MAF: variants seen among roughly 807,000 people sequenced by gnomAD.
MAF encodes the protein MAF bZIP transcription factor, also known as transcription factor Maf.
In MAF, 10 loss-of-function variants were observed where a neutral mutation model predicts 22.0. The ratio of observed to expected loss-of-function variants is 0.45; its 90% CI spans 0.28 to 0.77. The LOEUF is 0.77. Ranked by LOEUF, MAF falls within the 30% of genes least tolerant of loss-of-function variation. MAF has a pLI of 0.12. For missense variants in MAF, 544 were observed against 548.4 expected, an observed-to-expected ratio of 0.99 and a Z score of 0.08; for synonymous variants, 337 against 255.8, an observed-to-expected ratio of 1.32 and a Z score of -3.03.
At chr16:79,436,161 C>T in the MAF span, among the ~76,000 whole-genome samples, 2 of 152,318 alleles carry the variant, frequency 1.3e-5, no homozygotes, top group South Asian at 2.1e-4. Context: ...CGGCTCACTG[C>T]AACCTCTGCC....
chr16:79,519,191 C>G, the MAF span, among the ~76,000 whole-genome samples: 13 of 152,292 alleles, frequency 8.5e-5, no homozygotes, highest in Middle Eastern at 0.01. Flanking sequence ...GGTTCACTGA[C>G]TTGTCCAAGC....
At chr16:79,210,658 T>G in the MAF span, among the ~76,000 whole-genome samples, 8 of 152,204 alleles carry the variant, frequency 5.3e-5, no homozygotes, top group Non-Finnish European at 1.2e-4. Context: ...TGTATTGGTT[T>G]TAAATTAGAG....
At chr16:79,343,583 T>C in the MAF span, among the ~76,000 whole-genome samples, 1 of 152,234 alleles carries the variant, frequency 6.6e-6, no homozygotes, top group Non-Finnish European at 1.5e-5. Flanking sequence ...GCCAGTGATA[T>C]CGATACTTTC....
the MAF span, among the ~76,000 whole-genome samples, chr16:79,566,707 T>C: frequency 2.0e-5 from 3 of 152,318 alleles, no homozygotes; most frequent in South Asian, 4.1e-4. Flanking sequence ...TGGAGTCTAC[T>C]TGGCCTGAAT....
chr16:79,477,963 C>T, the MAF span, among the ~76,000 whole-genome samples: 4 of 133,242 alleles, frequency 3.0e-5, no homozygotes, highest in Admixed American at 7.8e-5. Context: ...ACCTCGTGAT[C>T]CTCCTGCCTC....
At chr16:79,344,295 G>A in the MAF span, among the ~76,000 whole-genome samples, 3,556 of 152,322 alleles carry the variant, frequency 0.023, 288 homozygotes, top group East Asian at 0.15. Flanking sequence ...CAGCTAGTAA[G>A]TGACTAAGGG....
the MAF span, among the ~76,000 whole-genome samples, chr16:79,554,981 G>A: frequency 6.6e-6 from 1 of 152,194 alleles, no homozygotes; most frequent in Non-Finnish European, 1.5e-5. Flanking sequence ...CCAGAAATGT[G>A]AGTGAGTTCA....
chr16:79,373,977 G>C, the MAF span, among the ~76,000 whole-genome samples: 3 of 152,274 alleles, frequency 2.0e-5, no homozygotes, highest in South Asian at 6.2e-4. Context: ...CACAGCAAGA[G>C]AATTAGGTTA....
At chr16:79,492,383 T>G in the MAF span, among the ~76,000 whole-genome samples, 1 of 151,972 alleles carries the variant, frequency 6.6e-6, no homozygotes, top group Non-Finnish European at 1.5e-5. Context: ...GTGCAACGTA[T>G]CCGAATTTTA....
chr16:79,596,511 ATTC>A, intron 1 of MAF: 1 of 1,050,406 alleles, frequency 9.5e-7, no homozygotes, highest in Non-Finnish European at 1.1e-6. Context: ...ATTGTAGATT[ATTC>A]TTTTCTTGAT....
the MAF span, among the ~76,000 whole-genome samples, chr16:79,244,128 T>A: frequency 6.6e-6 from 1 of 151,986 alleles, no homozygotes; most frequent in African/African-American, 2.4e-5. Flanking sequence ...GGGCAAAAAC[T>A]GGAAGCATGT....
the MAF span, among the ~76,000 whole-genome samples, chr16:79,572,599 A>G: frequency 6.6e-6 from 1 of 152,242 alleles, no homozygotes. Context: ...AATTCTAGGC[A>G]GAAGTGGCTT....
At chr16:79,550,569 G>A in the MAF span, among the ~76,000 whole-genome samples, 1 of 152,134 alleles carries the variant, frequency 6.6e-6, no homozygotes, top group African/African-American at 2.4e-5. Context: ...GCATTGTCAT[G>A]CAAAAAGGAG....
At chr16:79,387,201 C>G in the MAF span, among the ~76,000 whole-genome samples, 27 of 152,222 alleles carry the variant, frequency 1.8e-4, no homozygotes, top group Non-Finnish European at 2.8e-4. Flanking sequence ...CCTTACTGAA[C>G]AGTGGTGCCC....
chr16:79,478,422 G>C, the MAF span, among the ~76,000 whole-genome samples: 1 of 152,266 alleles, frequency 6.6e-6, no homozygotes, highest in Non-Finnish European at 1.5e-5. Flanking sequence ...TGTTTCCAAA[G>C]CCTACAGTCA....
At chr16:79,572,856 A>G in the MAF span, among the ~76,000 whole-genome samples, 1 of 152,150 alleles carries the variant, frequency 6.6e-6, no homozygotes, top group Non-Finnish European at 1.5e-5. Flanking sequence ...CAAACATGAA[A>G]TGTGTATAAA....
chr16:79,374,012 G>A, the MAF span, among the ~76,000 whole-genome samples: 1 of 152,120 alleles, frequency 6.6e-6, no homozygotes, highest in African/African-American at 2.4e-5. Flanking sequence ...GAGAGTTGGG[G>A]TGATTTATTT....
rs200061958 is a variant in MAF at position 79,594,441 on chromosome 16, T to C, written c.*19A>G. On this transcript the variant is annotated 3_prime_UTR_variant, in exon 2 of 2. Coordinates refer to ENST00000326043, the MANE Select transcript of MAF (RefSeq NM_005360.5). ...ATAATAATGATGATTTTTTTTAATG[T>C]ACAGCTCTCACACAAATTTCATTTT... 1.2e-5 allele frequency: 19 copies of C among 1,550,396 alleles called. No individual in the cohort carries two copies. In the East Asian group the frequency reaches 4.6e-4, roughly 38 times the overall value.
At chr16:79,510,981 G>T in the MAF span, among the ~76,000 whole-genome samples, 1 of 152,186 alleles carries the variant, frequency 6.6e-6, no homozygotes, top group Non-Finnish European at 1.5e-5. Context: ...CCAGCTAATT[G>T]TGAGTGGGTT....
Sources: gnomAD v4.1 joint callset for allele counts (sites outside exome capture counted in the v4.1 genomes callset) on GRCh38, gnomAD v4.1.1 for gene constraint, MANE v1.5 for transcripts, NCBI Gene and HGNC (gene_info 2026-07-23, HGNC 2026-07-21) for gene names.